Variants in IDO2 observed in about 807,000 individuals in gnomAD.
IDO2 encodes indoleamine 2,3-dioxygenase 2.
In IDO2, 46 loss-of-function variants were observed where a neutral mutation model predicts 45.1. The ratio of observed to expected loss-of-function variants is 1.02; its 90% CI spans 0.80 to 1.30. The LOEUF is 1.30. Ranked by LOEUF, IDO2 falls within the 50% of genes most tolerant of loss-of-function variation. The pLI, the probability that IDO2 is intolerant of heterozygous loss-of-function variation, is 0.00. For synonymous variants in IDO2, 218 were observed against 184.9 expected (o/e 1.18, Z -1.45); for missense variants, 544 against 491.8 (o/e 1.11, Z -1.00).
At chr8:39,998,121 T>A in intron 8 of IDO2, 1 of 210,308 alleles carries the variant, frequency 4.8e-6, no homozygotes. Context: ...ATGGTAGACA[T>A]GGCAAAGTGA....
At chr8:39,935,257 A>T in intron 1 of IDO2, 39 bp downstream of exon 1, 8 of 1,541,016 alleles carry the variant, frequency 5.2e-6, no homozygotes, top group Non-Finnish European at 6.3e-6. Context: ...CCTCGTATGC[A>T]TAATGTAAAC....
chr8:39,963,588 T>A lies in IDO2; in HGVS notation c.100-20T>A, dbSNP rs1276700779. 7 of 1,486,130 alleles carry A rather than the reference T, an allele frequency of 4.7e-6. No homozygotes were observed. The highest frequency in any genetic ancestry group is 2.8e-6 in the Non-Finnish European group (3 of 1,073,150). The allele number at this position is 1,486,130 out of a possible 1,614,324, so 92.1% of individuals were successfully genotyped here. ...TCCAGAGAGGTCTAAAATATTTACA[T>A]GTTTCTATTTTAAATGCAGAAAGAA... On this transcript the variant is annotated intron_variant, in intron 2 of 10. Transcript: ENST00000502986.
chr8:40,004,525 T>TGATG (rs1554549465), intron 8 of IDO2, among the ~76,000 whole-genome samples: 1 of 144,398 alleles, frequency 6.9e-6, no homozygotes, highest in African/African-American at 2.6e-5. Flanking sequence ...GACAGACAGA[T>TGATG]GATAGATAGA....
chr8:39,989,924 C>T (rs981820162), intron 8 of IDO2, 86 bp downstream of exon 8: 2 of 775,506 alleles, frequency 2.6e-6, no homozygotes, highest in African/African-American at 3.5e-5. Context: ...CAGGCATGTC[C>T]TGAAGGGGGT....
intron 4 of IDO2, among the ~76,000 whole-genome samples, chr8:39,981,903 G>A (rs1234134789): frequency 1.3e-5 from 2 of 152,160 alleles, no homozygotes; most frequent in African/African-American, 4.8e-5. Context: ...AAGAGCCGTG[G>A]AGGGTTCCTT....
chr8:39,952,681 A>G (rs181333138), intron 2 of IDO2, among the ~76,000 whole-genome samples: 16 of 152,218 alleles, frequency 1.1e-4, no homozygotes, highest in Admixed American at 2.0e-4. Context: ...TTAGACATGG[A>G]GAATACGAGG....
At chr8:39,991,747 T>A (rs539474918) in intron 8 of IDO2, among the ~76,000 whole-genome samples, 5 of 152,134 alleles carry the variant, frequency 3.3e-5, no homozygotes, top group Admixed American at 3.3e-4. Flanking sequence ...ATTTTTGTAT[T>A]TTTAGTAGAG....
chr8:39,979,593 T>A (rs1009325356), intron 4 of IDO2, among the ~76,000 whole-genome samples: 1 of 151,972 alleles, frequency 6.6e-6, no homozygotes, highest in African/African-American at 2.4e-5. Flanking sequence ...CCTCAGGTAA[T>A]CTGCCTGCCT....
intron 8 of IDO2, among the ~76,000 whole-genome samples, chr8:40,002,841 A>G (rs1802160386): frequency 6.6e-6 from 1 of 152,180 alleles, no homozygotes; most frequent in Non-Finnish European, 1.5e-5. Flanking sequence ...AAATTTTATT[A>G]AATGTCTACA....
At chr8:39,973,333 C>T (rs923631301) in intron 3 of IDO2, among the ~76,000 whole-genome samples, 1 of 151,980 alleles carries the variant, frequency 6.6e-6, no homozygotes, top group Admixed American at 6.6e-5. Flanking sequence ...TAGATCTATC[C>T]ACTGCAAGGA....
In IDO2 at chr8:39,999,742, C is replaced by T. The variant is rs375409474; in HGVS notation, c.668-5585C>T. Among the ~76,000 whole-genome samples the T allele has an allele frequency of 6.0e-4, 91 of 152,270 alleles. 1 individual carries two copies. The highest frequency in any genetic ancestry group is 3.4e-3 in the Middle Eastern group (1 of 294). ...TCTCCCAAAGTGCTAGGATTACAGG[C>T]GGGAGCCACCATGCCTGGCCAAAAT... is the stretch of plus-strand genomic sequence containing the variant. On this transcript the variant is annotated intron_variant, in intron 8 of 10. Transcript: ENST00000502986.
chr8:39,972,428 G>GAAAT (rs2129594147), intron 3 of IDO2, among the ~76,000 whole-genome samples: 1 of 151,956 alleles, frequency 6.6e-6, no homozygotes, highest in East Asian at 1.9e-4. Flanking sequence ...CCAACATGAT[G>GAAAT]AAATACCACT....
chr8:39,943,093 C>T (rs1003267018), intron 1 of IDO2, among the ~76,000 whole-genome samples: 25 of 152,076 alleles, frequency 1.6e-4, no homozygotes, highest in Non-Finnish European at 1.5e-5. Flanking sequence ...CTTGGCAGGG[C>T]GCAGTGGCTC....
At chr8:39,971,804 ACTTTT>A (rs902484995) in intron 3 of IDO2, among the ~76,000 whole-genome samples, 7 of 134,798 alleles carry the variant, frequency 5.2e-5, no homozygotes, top group African/African-American at 7.6e-5. Flanking sequence ...TTACGATTGA[ACTTTT>A]CTTTTCTTTT....
chr8:39,944,992 C>T (rs530637445), intron 1 of IDO2, among the ~76,000 whole-genome samples: 1 of 152,308 alleles, frequency 6.6e-6, no homozygotes, highest in African/African-American at 2.4e-5. Context: ...AATTAAGATA[C>T]CTTAGCTCTA....
chr8:40,013,670 T>G (rs1454947420), exon 10 of IDO2: 1 of 1,613,692 alleles, frequency 6.2e-7, no homozygotes, highest in African/African-American at 1.3e-5. Context: ...CAGTGCTTCA[T>G]GCCTTTGATG....
chr8:40,008,618 A>G (rs537125880), intron 9 of IDO2, among the ~76,000 whole-genome samples: 3 of 152,318 alleles, frequency 2.0e-5, no homozygotes, highest in Non-Finnish European at 2.9e-5. Flanking sequence ...TTGGAAAACC[A>G]TTTTTAGAAT....
chr8:39,986,810 A>G (rs1808431749), intron 6 of IDO2: 2 of 151,920 alleles, frequency 1.3e-5, no homozygotes, highest in Non-Finnish European at 2.9e-5. Flanking sequence ...TGACAGGATC[A>G]TGGGGTTGGA....
chr8:39,979,023 G>A (rs923683206), intron 3 of IDO2, 44 bp from the exon 4 acceptor site: 7 of 1,550,916 alleles, frequency 4.5e-6, no homozygotes, highest in East Asian at 2.4e-5. Context: ...CCCCTGTCCC[G>A]GTTCCCATCC....
Sources: gnomAD v4.1 joint callset for allele counts (sites outside exome capture counted in the v4.1 genomes callset) on GRCh38, gnomAD v4.1.1 for gene constraint, MANE v1.5 for transcripts, NCBI Gene and HGNC (gene_info 2026-07-23, HGNC 2026-07-21) for gene names.